The following AACS variants were observed in gnomAD, a reference collection of about 807,000 sequenced individuals.
AACS encodes acetoacetate-CoA ligase.
AACS carries 69 observed loss-of-function variants against 83.1 expected under a neutral mutation model. The ratio of observed to expected loss-of-function variants is 0.83; its 90% CI spans 0.68 to 1.01. The LOEUF (loss-of-function observed/expected upper bound fraction) is 1.01. Among genes scored for constraint, AACS ranks in the 50% least tolerant of loss-of-function variants. The pLI is 0.00. For missense variants in AACS, 866 were observed against 882.2 expected (o/e 0.98, Z 0.23); for synonymous variants, 333 against 343.4 (o/e 0.97, Z 0.33).
intron 10 of AACS, chr12:125,123,480 T>G (rs1592998660): frequency 6.6e-6 from 1 of 152,144 alleles, no homozygotes. Context: ...GGTGGCAGGG[T>G]GTGTCTGGGG....
intron 15 of AACS, among the ~76,000 whole-genome samples, chr12:125,134,338 G>T (rs1428318921): frequency 6.6e-6 from 1 of 152,206 alleles, no homozygotes; most frequent in Middle Eastern, 3.2e-3. Flanking sequence ...AGGAAGCATT[G>T]TCTGCTCAGT....
intron 16 of AACS, chr12:125,136,088 T>G (rs182231167): frequency 6.5e-6 from 1 of 152,814 alleles, no homozygotes; most frequent in Admixed American, 6.5e-5. Flanking sequence ...CTCACTCTGT[T>G]GGCCAGGCTG....
chr12:125,092,310 C>G (rs147455911), intron 5 of AACS, among the ~76,000 whole-genome samples: 2 of 152,260 alleles, frequency 1.3e-5, no homozygotes, highest in Non-Finnish European at 2.9e-5. Flanking sequence ...GGCCCTGTGC[C>G]GTCCGTCAGT....
intron 5 of AACS, among the ~76,000 whole-genome samples, chr12:125,099,313 C>T (rs1956673108): frequency 6.6e-6 from 1 of 152,310 alleles, no homozygotes; most frequent in African/African-American, 2.4e-5. Flanking sequence ...TGGTGGTGCT[C>T]GCCTGCAGAG....
rs1320209936 is a variant in AACS at position 125,129,582 on chromosome 12, CT to C, written c.1549+124del. ...CCCCCACCAGGGCTTGGAGAAGCTG[CT>C]TATAGTTCATTCCGCCAGTGGGGGG... On this transcript the variant is annotated intron_variant, in intron 14 of 17. Coordinates refer to ENST00000316519, the MANE Select transcript of AACS (RefSeq NM_023928.5). The surrounding 1 kb of genome is among the most constrained non-coding windows in gnomAD (Gnocchi z 4.3). 3 of 1,288,654 alleles carry C rather than the reference CT, an allele frequency of 2.3e-6. No individual in the cohort carries two copies. The highest frequency in any genetic ancestry group is 3.0e-5 in the African/African-American group (2 of 66,274). 79.8% of individuals were successfully genotyped at this position (1,288,654 alleles called of 1,614,324 possible).
At chr12:125,117,988 G>GAA (rs11398827) in intron 9 of AACS, 31 of 144,828 alleles carry the variant, frequency 2.1e-4, no homozygotes, top group East Asian at 4.0e-4. Flanking sequence ...TGTTTCAGGG[G>GAA]AAAAAAAAAA....
intron 5 of AACS, among the ~76,000 whole-genome samples, chr12:125,096,220 T>TA (rs1490032698): frequency 2.6e-4 from 39 of 152,216 alleles, no homozygotes; most frequent in African/African-American, 9.4e-4. Context: ...GTGCTGGGAT[T>TA]ACAGGCATGA....
rs1363243136 is a variant in AACS, at chr12:125,114,767, C to T, written c.996+210C>T. Among the ~76,000 whole-genome samples the T allele has an allele frequency of 3.3e-5, 5 of 151,008 alleles. 1 individual carries two copies. The highest frequency in any genetic ancestry group is 5.9e-5 in the Non-Finnish European group (4 of 67,588). On this transcript the variant is annotated intron_variant, in intron 9 of 17. Transcript: ENST00000316519. Reference sequence around the variant, plus strand: ...TGGTAAGGGCTTCCCCAGGCGCCGGCCCGTGGCACATGTTAAGGGCTTCCC... The same window carrying T: ...TGGTAAGGGCTTCCCCAGGCGCCGGTCCGTGGCACATGTTAAGGGCTTCCC...
chr12:125,102,839 G>A (rs1451991846), intron 6 of AACS, 46 bp downstream of exon 6: 16 of 1,576,086 alleles, frequency 1.0e-5, no homozygotes, highest in Non-Finnish European at 1.4e-5. Context: ...GGGTGTGTGT[G>A]TGGGTACATA....
intron 1 of AACS, among the ~76,000 whole-genome samples, chr12:125,069,528 C>T (rs534602021): frequency 1.3e-5 from 2 of 152,342 alleles, no homozygotes; most frequent in East Asian, 1.9e-4. Flanking sequence ...CCACGTGGGG[C>T]TCTGGGGTCC....
chr12:125,117,710 G>T (rs894289333), intron 9 of AACS: 16 of 152,280 alleles, frequency 1.1e-4, no homozygotes, highest in African/African-American at 3.6e-4. Context: ...CAATGGCTAG[G>T]TGTGATGGCT....
intron 11 of AACS, 25 bp downstream of exon 11, chr12:125,124,794 T>C (rs746985947): frequency 6.2e-7 from 1 of 1,614,008 alleles, no homozygotes; most frequent in Non-Finnish European, 8.5e-7. Flanking sequence ...TCAGTACTCA[T>C]TCCCTGTACT....
At chr12:125,103,224 G>A in intron 7 of AACS, 143 bp downstream of exon 7, 1 of 672,172 alleles carries the variant, frequency 1.5e-6, no homozygotes, top group Non-Finnish European at 2.5e-6. Flanking sequence ...TCATTTTGTA[G>A]ATAAGACACC....
chr12:125,082,227 A>C, intron 3 of AACS, among the ~76,000 whole-genome samples: 1 of 146,228 alleles, frequency 6.8e-6, no homozygotes, highest in African/African-American at 2.6e-5. Context: ...ATTGGAGTGC[A>C]GTGGTGCAGT....
Position 125,066,247 on chromosome 12 carries a change from C to G in AACS, c.133+530C>G, listed in dbSNP as rs1241489638. ...GAGGCCCTGTCCACGTGTCTACACT[C>G]CCAGCCCCCAAACAGAACCTAGTAA... On this transcript the variant is annotated intron_variant, in intron 1 of 17. Coordinates refer to ENST00000316519, the MANE Select transcript of AACS (RefSeq NM_023928.5). 3.9e-5 allele frequency among the ~76,000 whole-genome samples: 6 copies of G among 152,126 alleles called. No individual in the cohort carries two copies. In the East Asian group the frequency reaches 9.7e-4, roughly 25 times the overall value.
rs200840579 is a variant in AACS at position 125,136,872 on chromosome 12, C to G, written c.1881+8C>G. The G allele has an allele frequency of 4.6e-3, 7,409 of 1,611,664 alleles. 72 individuals carry two copies. Among genetic ancestry groups the G allele is most frequent in the Middle Eastern group, 0.021 (130 of 6,056 alleles). ...GAAACCAAGGGCATCCCGGTATGGCCATCTCCCGCCAGCGAGGAGACCGCA... is the reference window on the plus strand; with the variant it reads ...GAAACCAAGGGCATCCCGGTATGGCGATCTCCCGCCAGCGAGGAGACCGCA... On this transcript the variant is annotated splice_region_variant and intron_variant, in intron 17 of 17. Transcript: ENST00000316519.
chr12:125,142,043 T>TC, intron 17 of AACS, 49 bp from the exon 18 acceptor site: 1 of 1,608,896 alleles, frequency 6.2e-7, no homozygotes. Context: ...CTGCGGATTT[T>TC]CCCCCCTTCA....
Position 125,074,700 on chromosome 12 carries a change from A to G in AACS, c.237+721A>G, listed in dbSNP as rs374019752. Among the ~76,000 whole-genome samples, 17 of 83,990 alleles carry G rather than the reference A, an allele frequency of 2.0e-4. No homozygotes were observed. The East Asian group carries it at 2.3e-3, about 11-fold the overall frequency. 55.1% of individuals were successfully genotyped at this position (83,990 alleles called of 152,430 possible). On this transcript the variant is annotated intron_variant, in intron 2 of 17. Transcript: ENST00000316519. ...TTTTTTTGAGGTGGAGTCTTGCTCTATTGCCCAGGCTGGAGTGCAGTGGGG... is the reference window on the plus strand; with the variant it reads ...TTTTTTTGAGGTGGAGTCTTGCTCTGTTGCCCAGGCTGGAGTGCAGTGGGG...
Position 125,129,208 on chromosome 12 carries a change from C to A in AACS, c.1424-127C>A. On this transcript the variant is annotated intron_variant, in intron 13 of 17. Transcript: ENST00000316519. The surrounding 1 kb of genome is among the most constrained non-coding windows in gnomAD (Gnocchi z 4.3). Reference sequence around the variant, plus strand: ...GCTGTGACAGGTGTGTGGGCGTGGACCATCTCTGTACCTTTGTATATGTCT... The same window carrying A: ...GCTGTGACAGGTGTGTGGGCGTGGAACATCTCTGTACCTTTGTATATGTCT... 7.5e-7 allele frequency: 1 copy of A among 1,328,640 alleles called. No homozygotes were observed. Among genetic ancestry groups the A allele is most frequent in the Non-Finnish European group, 1.0e-6 (1 of 1,001,360 alleles). 82.3% of individuals were successfully genotyped at this position (1,328,640 alleles called of 1,614,324 possible).
Sources: gnomAD v4.1 joint callset for allele counts (sites outside exome capture counted in the v4.1 genomes callset) on GRCh38, gnomAD v4.1.1 for gene constraint, Gnocchi (gnomAD v3.1) non-coding constraint, MANE v1.5 for transcripts, NCBI Gene and HGNC (gene_info 2026-07-23, HGNC 2026-07-21) for gene names.